EML5: variants seen among roughly 807,000 people sequenced by gnomAD.
EML5 encodes EMAP like 5, also known as echinoderm microtubule-associated protein-like 5.
EML5 carries 120 observed loss-of-function variants against 250.0 expected under a neutral mutation model. That is an observed-to-expected ratio of 0.48 (90% CI 0.41 to 0.56). The LOEUF (loss-of-function observed/expected upper bound fraction) is 0.56, where lower values mean the gene tolerates loss of function less well. EML5 is among the 20% of genes least tolerant of loss of function. The pLI is 0.00. For synonymous variants in EML5, 771 were observed against 806.5 expected, an observed-to-expected ratio of 0.96 and a Z score of 0.75; for missense variants, 2,006 against 2,437.6, an observed-to-expected ratio of 0.82 and a Z score of 3.73.
chr14:88,792,864 C>A lies in EML5; in HGVS notation c.-361G>T. 4.4e-6 allele frequency: 2 copies of A among 459,232 alleles called. No homozygotes were observed. The highest frequency in any genetic ancestry group is 5.7e-6 in the Non-Finnish European group (2 of 348,294). 28.4% of individuals were successfully genotyped at this position (459,232 alleles called of 1,614,324 possible). A position where few individuals can be genotyped will look rare whatever the true frequency, so the allele number is the denominator to read the frequency against. On this transcript the variant is annotated 5_prime_UTR_variant, in exon 1 of 44. Coordinates refer to ENST00000554922, the MANE Select transcript of EML5 (RefSeq NM_183387.3). This position sits in a 1 kb window ranked among gnomAD's most constrained non-coding sequence, Gnocchi z 6.9. Reference sequence around the variant, plus strand: ...GCCGCCCGCGCACGCAGCTCCCAGCCCCGGTCACCTGCGGCGCTCGCGCCC... The same window carrying A: ...GCCGCCCGCGCACGCAGCTCCCAGCACCGGTCACCTGCGGCGCTCGCGCCC...
chr14:88,738,524 C>T (rs1232977515), intron 6 of EML5, among the ~76,000 whole-genome samples: 1 of 151,836 alleles, frequency 6.6e-6, no homozygotes, highest in Non-Finnish European at 1.5e-5. Context: ...CAATATTTAC[C>T]CCCAACTGTT....
intron 8 of EML5, among the ~76,000 whole-genome samples, chr14:88,724,349 G>C (rs973170648): frequency 2.7e-5 from 4 of 150,100 alleles, no homozygotes; most frequent in African/African-American, 9.9e-5. Flanking sequence ...AGCAAATCAA[G>C]AAGAAATAGT....
intron 21 of EML5, among the ~76,000 whole-genome samples, chr14:88,670,543 G>C (rs547198700): frequency 6.6e-6 from 1 of 152,038 alleles, no homozygotes; most frequent in Non-Finnish European, 1.5e-5. Context: ...CTCCAGCAAG[G>C]GCACAGAACT....
At chr14:88,654,451 T>C (rs1224199612) in intron 27 of EML5, among the ~76,000 whole-genome samples, 1 of 152,228 alleles carries the variant, frequency 6.6e-6, no homozygotes, top group Non-Finnish European at 1.5e-5. Context: ...CTGCTTTAGC[T>C]GTGTCCCAGA....
chr14:88,627,745 TTGAA>T lies in EML5; in HGVS notation c.4428_4431del (p.His1476GlnfsTer21). 1 of 1,612,898 alleles carries T rather than the reference TTGAA, an allele frequency of 6.2e-7. No homozygotes were observed. The highest frequency in any genetic ancestry group is 8.5e-7 in the Non-Finnish European group (1 of 1,179,428). On this transcript the variant is annotated frameshift_variant, in exon 34 of 44. Transcript: ENST00000554922. LOFTEE classifies it high-confidence loss of function. The stretch of plus-strand genomic sequence containing the variant: ...CTGAAGCTGACTGAACATACTCCCT[TTGAA>T]TGGTAGCATCTTAGGATAGATAAAG...
At chr14:88,642,010 T>C (rs1455683574) in intron 31 of EML5, among the ~76,000 whole-genome samples, 2 of 152,148 alleles carry the variant, frequency 1.3e-5, no homozygotes, top group Non-Finnish European at 2.9e-5. Context: ...AATAGAAAAT[T>C]GCCACTGATT....
At chr14:88,789,292 GAACA>G (rs1385797511) in intron 1 of EML5, among the ~76,000 whole-genome samples, 3 of 151,852 alleles carry the variant, frequency 2.0e-5, no homozygotes, top group Non-Finnish European at 4.4e-5. Context: ...TTGAGAAAAA[GAACA>G]AAAAAGTGAC....
At chr14:88,679,402 G>C (rs1300087721) in intron 21 of EML5, among the ~76,000 whole-genome samples, 3 of 151,926 alleles carry the variant, frequency 2.0e-5, no homozygotes, top group African/African-American at 7.3e-5. Flanking sequence ...TATCAATAAA[G>C]GGGCTATAGC....
chr14:88,782,803 G>A (rs981068766), intron 1 of EML5, among the ~76,000 whole-genome samples: 3 of 152,186 alleles, frequency 2.0e-5, no homozygotes, highest in Admixed American at 6.5e-5. Context: ...GCCTGGATCG[G>A]GCACGGTGGC....
chr14:88,742,375 A>G (rs2093937344), intron 4 of EML5, among the ~76,000 whole-genome samples: 1 of 152,158 alleles, frequency 6.6e-6, no homozygotes, highest in African/African-American at 2.4e-5. Flanking sequence ...TTGTGTTTAA[A>G]TAGCTATGTA....
At chr14:88,682,875 G>C (rs2092746062) in intron 20 of EML5, among the ~76,000 whole-genome samples, 1 of 152,258 alleles carries the variant, frequency 6.6e-6, no homozygotes, top group Non-Finnish European at 1.5e-5. Context: ...AGTACTCAGG[G>C]CCTAAAGCCT....
At chr14:88,737,960 T>C (rs947784367) in intron 6 of EML5, among the ~76,000 whole-genome samples, 1 of 152,210 alleles carries the variant, frequency 6.6e-6, no homozygotes, top group Admixed American at 6.5e-5. Flanking sequence ...AGAGAGAATT[T>C]TACTTTTTCT....
intron 25 of EML5, among the ~76,000 whole-genome samples, chr14:88,660,835 C>T (rs1567080429): frequency 6.6e-6 from 1 of 151,560 alleles, no homozygotes; most frequent in African/African-American, 2.4e-5. Context: ...ACAAATGATG[C>T]TGATGATTTA....
At chr14:88,695,325 G>A (rs1329158547) in intron 16 of EML5, 36 bp downstream of exon 16, 4 of 1,538,312 alleles carry the variant, frequency 2.6e-6, no homozygotes, top group East Asian at 2.3e-5. Flanking sequence ...AGTAATTCTA[G>A]TATTTTGCAA....
At chr14:88,691,874 G>A (rs762012764) in intron 17 of EML5, among the ~76,000 whole-genome samples, 4 of 152,102 alleles carry the variant, frequency 2.6e-5, no homozygotes, top group Non-Finnish European at 5.9e-5. Flanking sequence ...TTCACTTTCA[G>A]GTCTACTATA....
At chr14:88,635,379 C>G (rs1407609180) in intron 32 of EML5, among the ~76,000 whole-genome samples, 1 of 152,090 alleles carries the variant, frequency 6.6e-6, no homozygotes, top group Non-Finnish European at 1.5e-5. Context: ...CTATTAACAA[C>G]CAAATGGTGA....
chr14:88,727,733 T>G (rs1199591283), intron 7 of EML5, among the ~76,000 whole-genome samples: 2 of 152,134 alleles, frequency 1.3e-5, no homozygotes, highest in Middle Eastern at 3.2e-3. Context: ...AGTACATTGA[T>G]TCTTTCACTT....
chr14:88,771,054 CAT>C (rs994133861), intron 1 of EML5, among the ~76,000 whole-genome samples: 40 of 152,286 alleles, frequency 2.6e-4, no homozygotes, highest in Middle Eastern at 3.4e-3. Flanking sequence ...GTTAAACAAA[CAT>C]AAAGTGAGCT....
intron 27 of EML5, among the ~76,000 whole-genome samples, chr14:88,650,785 G>C (rs2091582253): frequency 6.6e-6 from 1 of 152,084 alleles, no homozygotes; most frequent in Admixed American, 6.6e-5. Context: ...CCTGGTACAG[G>C]CATGTACTAC....
Sources: allele counts gnomAD v4.1 joint callset (sites outside exome capture counted in the v4.1 genomes callset), GRCh38; gene constraint gnomAD v4.1.1; non-coding constraint Gnocchi (gnomAD v3.1); transcripts MANE v1.5; gene names NCBI Gene and HGNC (gene_info 2026-07-23, HGNC 2026-07-21).